The following PPM1E variants were observed in gnomAD, a reference collection of about 807,000 sequenced individuals.
PPM1E encodes the protein protein phosphatase, Mg2+/Mn2+ dependent 1E, also known as protein phosphatase 1E.
PPM1E carries 20 observed loss-of-function variants against 65.9 expected under a neutral mutation model. The ratio of observed to expected loss-of-function variants is 0.30; its 90% CI spans 0.21 to 0.44. PPM1E has a LOEUF of 0.44. Among genes scored for constraint, PPM1E ranks in the 20% least tolerant of loss-of-function variants. The pLI, the probability that PPM1E is intolerant of heterozygous loss-of-function variation, is 1.00. For missense variants in PPM1E, 713 were observed against 953.1 expected (o/e 0.75, Z 3.32); for synonymous variants, 352 against 374.9 (o/e 0.94, Z 0.70).
chr17:58,890,572 A>T (rs572712791), intron 1 of PPM1E, among the ~76,000 whole-genome samples: 1 of 152,176 alleles, frequency 6.6e-6, no homozygotes, highest in African/African-American at 2.4e-5. Flanking sequence ...TTTAGTGACT[A>T]TGTGGATTTG....
At chr17:58,929,135 AATT>A (rs747861005) in intron 1 of PPM1E, among the ~76,000 whole-genome samples, 3 of 152,254 alleles carry the variant, frequency 2.0e-5, no homozygotes, top group Non-Finnish European at 4.4e-5. Flanking sequence ...AATAAAAAGT[AATT>A]ATTATTGATA....
chr17:58,757,861 T>C (rs2049783815), intron 1 of PPM1E, among the ~76,000 whole-genome samples: 1 of 152,188 alleles, frequency 6.6e-6, no homozygotes, highest in Non-Finnish European at 1.5e-5. Context: ...TTGAGAAACG[T>C]AAAATATAAA....
At chr17:58,947,026 C>G (rs573222561) in intron 1 of PPM1E, among the ~76,000 whole-genome samples, 19 of 148,556 alleles carry the variant, frequency 1.3e-4, no homozygotes, top group Non-Finnish European at 2.2e-4. Flanking sequence ...AGGGGTCCAA[C>G]TTGATTATTT....
At chr17:58,857,699 GCT>G (rs2050897461) in intron 1 of PPM1E, among the ~76,000 whole-genome samples, 1 of 151,942 alleles carries the variant, frequency 6.6e-6, no homozygotes, top group Admixed American at 6.6e-5. Context: ...CTACTTTGAA[GCT>G]CTCTGGTAAA....
At chr17:58,919,118 T>C (rs2143527367) in intron 1 of PPM1E, among the ~76,000 whole-genome samples, 1 of 152,266 alleles carries the variant, frequency 6.6e-6, no homozygotes, top group Non-Finnish European at 1.5e-5. Context: ...GAAAAGGTAA[T>C]TTAAATTTAA....
chr17:58,974,516 T>C (rs1242679987), intron 6 of PPM1E, among the ~76,000 whole-genome samples: 1 of 152,200 alleles, frequency 6.6e-6, no homozygotes, highest in Non-Finnish European at 1.5e-5. Context: ...AATTAAGCTA[T>C]TTCTGTCTTT....
Position 58,850,942 on chromosome 17 carries a change from G to A in PPM1E, c.464+94481G>A, listed in dbSNP as rs138167415. The stretch of plus-strand genomic sequence containing the variant: ...TCAGACAGAGATTTGGTCTTTTCAC[G>A]TAGTCCCATATTTCTTGGAGGCTTT... On this transcript the variant is annotated intron_variant, in intron 1 of 6. Transcript: ENST00000308249. Among the ~76,000 whole-genome samples, 346 of 152,144 alleles carry A rather than the reference G, an allele frequency of 2.3e-3. 2 individuals carry two copies. The highest frequency in any genetic ancestry group is 0.017 in the Middle Eastern group (5 of 294).
In PPM1E at chr17:58,966,604, A is replaced by G. The variant is rs1246524862; in HGVS notation, c.783+711A>G. 3.0e-5 allele frequency: 5 copies of G among 169,056 alleles called. No homozygotes were observed. In the Admixed American group the frequency reaches 3.2e-4, roughly 11 times the overall value. The allele number at this position is 169,056 out of a possible 1,614,324, so 10.5% of individuals were successfully genotyped here. A position where few individuals can be genotyped will look rare whatever the true frequency, so the allele number is the denominator to read the frequency against. On this transcript the variant is annotated intron_variant, in intron 3 of 6. Transcript: ENST00000308249. ...TCTCTGAGATAGGAAAGTAGCTGGA[A>G]TTATATTTCATAAATCTCTGTATCT...
chr17:58,950,325 C>T (rs2052218266), intron 1 of PPM1E, among the ~76,000 whole-genome samples: 1 of 152,176 alleles, frequency 6.6e-6, no homozygotes, highest in East Asian at 1.9e-4. Flanking sequence ...TGCACCATTG[C>T]ACTCCAGCCT....
intron 1 of PPM1E, among the ~76,000 whole-genome samples, chr17:58,819,951 G>A (rs1257715074): frequency 1.3e-5 from 2 of 151,994 alleles, no homozygotes; most frequent in African/African-American, 2.4e-5. Flanking sequence ...GCAGGAGAAC[G>A]GCTTCAATCT....
chr17:58,943,823 C>A (rs1235054153), intron 1 of PPM1E, among the ~76,000 whole-genome samples: 1 of 152,144 alleles, frequency 6.6e-6, no homozygotes, highest in African/African-American at 2.4e-5. Context: ...AGAAGCCCTT[C>A]TTTAGAATGT....
chr17:58,811,046 C>T (rs549362779), intron 1 of PPM1E, among the ~76,000 whole-genome samples: 50 of 152,096 alleles, frequency 3.3e-4, no homozygotes, highest in Non-Finnish European at 6.0e-4. Context: ...TTGGTAGAGA[C>T]GGGGTTTCGC....
intron 1 of PPM1E, among the ~76,000 whole-genome samples, chr17:58,938,931 A>G (rs2052023025): frequency 6.6e-6 from 1 of 151,718 alleles, no homozygotes; most frequent in Admixed American, 6.6e-5. Flanking sequence ...TGGGATTACA[A>G]GTGCCCACCA....
chr17:58,956,456 AAAC>A (rs1477077331), intron 2 of PPM1E, among the ~76,000 whole-genome samples: 1 of 58,768 alleles, frequency 1.7e-5, no homozygotes, highest in Non-Finnish European at 4.3e-5. Context: ...AAAAAACAAA[AAAC>A]AAAAAAAAAA....
chr17:58,959,309 C>CAAA (rs71145509), intron 2 of PPM1E, among the ~76,000 whole-genome samples: 8 of 57,108 alleles, frequency 1.4e-4, no homozygotes, highest in South Asian at 8.7e-4. Context: ...GACTCCGTCT[C>CAAA]AAAAAAAAAA....
intron 1 of PPM1E, among the ~76,000 whole-genome samples, chr17:58,806,963 C>A (rs1174098829): frequency 1.3e-5 from 2 of 151,958 alleles, no homozygotes; most frequent in African/African-American, 4.8e-5. Flanking sequence ...CCTCAGCCCC[C>A]CAAAGGCTGG....
intron 1 of PPM1E, among the ~76,000 whole-genome samples, chr17:58,899,863 G>A (rs556980452): frequency 4.6e-5 from 7 of 152,050 alleles, no homozygotes; most frequent in Non-Finnish European, 7.4e-5. Context: ...TGCAGATTTG[G>A]TGGAAATAGC....
chr17:58,814,033 G>A (rs904550186), intron 1 of PPM1E, among the ~76,000 whole-genome samples: 6 of 152,156 alleles, frequency 3.9e-5, no homozygotes, highest in African/African-American at 1.4e-4. Context: ...TAATGTAATG[G>A]AAATGGAATT....
chr17:58,921,803 G>A (rs1282680501), intron 1 of PPM1E, among the ~76,000 whole-genome samples: 1 of 152,094 alleles, frequency 6.6e-6, no homozygotes, highest in Non-Finnish European at 1.5e-5. Flanking sequence ...CACTTTGGGA[G>A]GCCGAGGTGG....
Sources: allele counts gnomAD v4.1 joint callset (sites outside exome capture counted in the v4.1 genomes callset), GRCh38; gene constraint gnomAD v4.1.1; transcripts MANE v1.5; gene names NCBI Gene and HGNC (gene_info 2026-07-23, HGNC 2026-07-21).